The following FGF14 variants were observed in gnomAD, a reference collection of about 807,000 sequenced individuals.
FGF14 encodes the protein fibroblast growth factor homologous factor 4.
A neutral mutation model predicts 25.5 loss-of-function variants in FGF14; 5 were observed. The observed-to-expected ratio is 0.20, with a 90% CI of 0.10 to 0.41. The LOEUF is 0.41. FGF14 is among the 10% of genes least tolerant of loss of function. The pLI is 1.00. For synonymous variants in FGF14, 138 were observed against 118.3 expected (o/e 1.17, Z -1.08); for missense variants, 222 against 320.1 (o/e 0.69, Z 2.34).
chr13:102,372,663 GT>G (rs374661515), intron 1 of FGF14, among the ~76,000 whole-genome samples: 5 of 148,898 alleles, frequency 3.4e-5, no homozygotes, highest in East Asian at 2.0e-4. Flanking sequence ...TCTCAGAATA[GT>G]TTTTTTTTTA....
intron 1 of FGF14, among the ~76,000 whole-genome samples, chr13:102,189,011 A>AAAGAAAGAGG (rs2049005996): frequency 1.4e-5 from 1 of 72,226 alleles, no homozygotes; most frequent in East Asian, 3.2e-4. Context: ...AAAGAAAGAG[A>AAAGAAAGAGG]AAGAATGAAA....
chr13:102,121,069 C>T (rs1312424411), intron 1 of FGF14, among the ~76,000 whole-genome samples: 1 of 152,150 alleles, frequency 6.6e-6, no homozygotes, highest in Admixed American at 6.5e-5. Context: ...GGTACTCAGG[C>T]CAGAATGATT....
chr13:102,135,017 CCACACACACACA>C lies in FGF14; in HGVS notation c.209-259733_209-259722del, dbSNP rs71125050. The stretch of plus-strand genomic sequence containing the variant: ...TGGGTAACATAGGGAGACCCCGTGT[CCACACACACACA>C]CACACACACACACACACACACACAC... On this transcript the variant is annotated intron_variant, in intron 1 of 4. Coordinates refer to the FGF14 transcript ENST00000376131. Among the ~76,000 whole-genome samples the C allele has an allele frequency of 6.8e-3, 975 of 142,652 alleles. 8 individuals are homozygous for C. The highest frequency in any genetic ancestry group is 0.01 in the Non-Finnish European group (677 of 65,438). 93.6% of individuals were successfully genotyped at this position (142,652 alleles called of 152,430 possible).
intron 3 of FGF14, among the ~76,000 whole-genome samples, chr13:101,839,958 A>G (rs2043117307): frequency 6.6e-6 from 1 of 151,998 alleles, no homozygotes; most frequent in African/African-American, 2.4e-5. Flanking sequence ...TTCACTCGGG[A>G]AGAATGGCTG....
intron 3 of FGF14, among the ~76,000 whole-genome samples, chr13:101,866,217 C>G (rs1351875874): frequency 1.3e-5 from 2 of 151,960 alleles, no homozygotes; most frequent in East Asian, 1.9e-4. Context: ...CACTGAAATA[C>G]AGTTTATTTC....
At chr13:102,388,345 TA>T (rs2058354298) in intron 1 of FGF14, among the ~76,000 whole-genome samples, 1 of 152,188 alleles carries the variant, frequency 6.6e-6, no homozygotes, top group African/African-American at 2.4e-5. Context: ...GAAAGATGTA[TA>T]ATGTATGCTC....
intron 1 of FGF14, among the ~76,000 whole-genome samples, chr13:101,891,614 A>G (rs2029861434): frequency 6.6e-6 from 1 of 152,190 alleles, no homozygotes; most frequent in South Asian, 2.1e-4. Context: ...TTTGAAAACC[A>G]TGCAAATCTA....
intron 1 of FGF14, among the ~76,000 whole-genome samples, chr13:102,184,631 T>C (rs931562778): frequency 6.6e-6 from 1 of 152,168 alleles, no homozygotes; most frequent in South Asian, 2.1e-4. Flanking sequence ...TTTTAAATAA[T>C]GCGAATTAAA....
At chr13:102,073,934 C>G (rs911548387) in intron 1 of FGF14, among the ~76,000 whole-genome samples, 5 of 152,196 alleles carry the variant, frequency 3.3e-5, no homozygotes, top group Non-Finnish European at 5.9e-5. Context: ...CAATACCAGG[C>G]ATATTATTCT....
chr13:102,087,668 T>G (rs1286452557), intron 1 of FGF14, among the ~76,000 whole-genome samples: 1 of 148,376 alleles, frequency 6.7e-6, no homozygotes, highest in African/African-American at 2.5e-5. Flanking sequence ...TCGTGATCTA[T>G]CCACCTCGGC....
intron 1 of FGF14, among the ~76,000 whole-genome samples, chr13:102,322,046 C>G (rs1238425708): frequency 6.6e-6 from 1 of 152,166 alleles, no homozygotes; most frequent in African/African-American, 2.4e-5. Context: ...CCCTGGAACA[C>G]AAGGAGGGTG....
chr13:102,019,474 A>G (rs990893725), intron 1 of FGF14, among the ~76,000 whole-genome samples: 1 of 152,102 alleles, frequency 6.6e-6, no homozygotes, highest in African/African-American at 2.4e-5. Flanking sequence ...TCTATGACAG[A>G]TAAACATCCC....
chr13:102,020,472 T>C (rs993451202), intron 1 of FGF14, among the ~76,000 whole-genome samples: 68 of 152,040 alleles, frequency 4.5e-4, no homozygotes, highest in African/African-American at 1.6e-3. Context: ...CGCTTAAATC[T>C]GGGAGGCAGA....
rs1203491763 is a variant in FGF14 at position 102,391,725 on chromosome 13, G to C, written c.208+9746C>G. Among the ~76,000 whole-genome samples, 6 of 152,184 alleles carry C rather than the reference G, an allele frequency of 3.9e-5. 1 individual carries two copies. The highest frequency in any genetic ancestry group is 1.4e-4 in the African/African-American group (6 of 41,450). ...CAAATCAACTCATTTAGCAATGAAGGAGGAAAGAGCATATTGTGTTACTGC... is the reference window on the plus strand; with the variant it reads ...CAAATCAACTCATTTAGCAATGAAGCAGGAAAGAGCATATTGTGTTACTGC... On this transcript the variant is annotated intron_variant, in intron 1 of 4. Transcript: ENST00000376131.
chr13:102,239,365 C>A (rs1184897116), intron 1 of FGF14, among the ~76,000 whole-genome samples: 1 of 152,180 alleles, frequency 6.6e-6, no homozygotes, highest in Non-Finnish European at 1.5e-5. Flanking sequence ...ATTAGTGCTA[C>A]AGAAAAGTGT....
intron 1 of FGF14, among the ~76,000 whole-genome samples, chr13:102,275,187 T>C (rs1250736232): frequency 6.6e-6 from 1 of 151,226 alleles, no homozygotes; most frequent in African/African-American, 2.4e-5. Flanking sequence ...ATACTTCCTG[T>C]AATGTCCTGC....
chr13:102,353,520 G>A (rs985115536), intron 1 of FGF14, among the ~76,000 whole-genome samples: 2 of 152,092 alleles, frequency 1.3e-5, no homozygotes, highest in African/African-American at 4.8e-5. Context: ...CTTCTCCACG[G>A]AAGTTCCTCC....
chr13:101,726,013 G>A (rs1566822174), intron 4 of FGF14, among the ~76,000 whole-genome samples: 1 of 151,702 alleles, frequency 6.6e-6, no homozygotes, highest in Non-Finnish European at 1.5e-5. Flanking sequence ...AAATGAATGT[G>A]GATAAATTAT....
intron 3 of FGF14, among the ~76,000 whole-genome samples, chr13:101,771,302 A>G (rs540655991): frequency 6.6e-6 from 1 of 152,236 alleles, no homozygotes; most frequent in South Asian, 2.1e-4. Context: ...CATTGAGGCT[A>G]ATGAGACACA....
Sources: gnomAD v4.1 joint callset for allele counts (sites outside exome capture counted in the v4.1 genomes callset) on GRCh38, gnomAD v4.1.1 for gene constraint, MANE v1.5 for transcripts, NCBI Gene and HGNC (gene_info 2026-07-23, HGNC 2026-07-21) for gene names.